Variants in SNAPC2 observed in about 807,000 individuals in gnomAD.
The protein encoded by SNAPC2 is snRNA-activating protein complex subunit 2.
A neutral mutation model predicts 22.9 loss-of-function variants in SNAPC2; 27 were observed. The ratio of observed to expected loss-of-function variants is 1.18; its 90% CI spans 0.87 to 1.63. The LOEUF is 1.63. Ranked by LOEUF, SNAPC2 falls within the 40% of genes most tolerant of loss-of-function variation. The pLI, the probability that SNAPC2 is intolerant of heterozygous loss-of-function variation, is 0.00. For synonymous variants in SNAPC2, 272 were observed against 201.0 expected (o/e 1.35, Z -2.99); for missense variants, 570 against 449.1 (o/e 1.27, Z -2.43).
rs1311991955 is a variant in SNAPC2 at position 7,922,068 on chromosome 19, C to T, written c.406C>T (p.Leu136Phe). Residue 136 changes from leucine to phenylalanine, a missense_variant, in exon 4 of 5, where the codon CTC becomes TTC. Leu to Phe is a conservative substitution (Grantham distance 22). Coordinates refer to ENST00000221573, the MANE Select transcript of SNAPC2 (RefSeq NM_003083.4). ...LTIAATEPVT[L>F]LHSKPPKPTQ... ...CATCGCGGCCACGGAACCGGTCACC[C>T]TCCTGCACTCCAAGCCCCCCAAGCC... 13 of 1,613,146 alleles carry T rather than the reference C, an allele frequency of 8.1e-6. No homozygotes were observed. The highest frequency in any genetic ancestry group is 1.1e-5 in the Non-Finnish European group (13 of 1,179,440).
intron 1 of SNAPC2, chr19:7,920,976 G>A (rs1333636171): frequency 3.6e-6 from 4 of 1,124,804 alleles, no homozygotes; most frequent in African/African-American, 1.7e-5. Context: ...TGGGCGGGAT[G>A]AGGGCAAGCT....
At position 7,920,428 on chromosome 19, in the gene SNAPC2, C is replaced by G; in HGVS notation, c.62C>G (p.Pro21Arg). Residue 21 changes from proline to arginine, a missense_variant, in exon 1 of 5, where the codon CCC becomes CGC. Pro to Arg is a moderately radical substitution (Grantham distance 103). Transcript: ENST00000221573. ...PARYLGEVTG[P>R]ATWSAREKRQ... ...CGCTATCTGGGCGAGGTGACCGGTC[C>G]CGCGACCTGGAGCGCTCGCGAGAAG... 6.3e-7 allele frequency: 1 copy of G among 1,576,580 alleles called. No individual in the cohort carries two copies. Among genetic ancestry groups the G allele is most frequent in the Non-Finnish European group, 8.5e-7 (1 of 1,169,796 alleles).
chr19:7,922,422 C>T (rs766560601), intron 4 of SNAPC2, 23 bp from the exon 5 acceptor site: 13 of 1,581,360 alleles, frequency 8.2e-6, no homozygotes, highest in African/African-American at 8.1e-5. Flanking sequence ...GTCCCCTTAC[C>T]CCTCTCCTCC....
rs144105634 is a variant in SNAPC2 at position 7,922,523 on chromosome 19, A to G, written c.764A>G (p.His255Arg). Residue 255 changes from histidine (H) to arginine (R), a missense_variant, in exon 5 of 5, where the codon CAT becomes CGT. His to Arg is a conservative substitution (Grantham distance 29). Transcript: ENST00000221573. ...CTGCCCTGCACAGCCCTGGTTGAGC[A>G]TATGACGGAGACGTACCTACGCCTG... ...PLLPCTALVE[H>R]MTETYLRLTA... 34 of 1,612,388 alleles carry G rather than the reference A, an allele frequency of 2.1e-5. No individual in the cohort carries two copies. The highest frequency in any genetic ancestry group is 2.8e-5 in the Non-Finnish European group (33 of 1,179,192).
chr19:7,921,926 C>T, intron 3 of SNAPC2, 109 bp from the exon 4 acceptor site: 1 of 1,406,158 alleles, frequency 7.1e-7, no homozygotes, highest in Non-Finnish European at 9.8e-7. Flanking sequence ...GGCTCTGAGG[C>T]CATCTCTTGT....
At chr19:7,921,000 G>A (rs1983547599) in intron 1 of SNAPC2, 5 of 1,130,994 alleles carry the variant, frequency 4.4e-6, no homozygotes, top group Non-Finnish European at 5.4e-6. Context: ...AAGGCGGGGC[G>A]AGCCTCGGGG....
At position 7,922,217 on chromosome 19, in the gene SNAPC2, C is replaced by T. The variant is rs150246284; in HGVS notation, c.555C>T (p.Ala185=). Residue 185 remains alanine (A), a synonymous_variant, in exon 4 of 5, where the codon GCC becomes GCT. Transcript: ENST00000221573. The part of the protein sequence containing the change: ...PSSAPRTPDP[A]PEKPSESSAG... ...CCGCACCCAGGACTCCTGACCCTGC[C>T]CCTGAGAAACCTTCTGAGTCGTCGG... 30 of 1,614,026 alleles carry T rather than the reference C, an allele frequency of 1.9e-5. No individual in the cohort carries two copies. Among genetic ancestry groups the T allele is most frequent in the Admixed American group, 3.3e-5 (2 of 60,002 alleles).
intron 1 of SNAPC2, chr19:7,921,079 C>T (rs1205312876): frequency 5.9e-6 from 7 of 1,183,488 alleles, no homozygotes; most frequent in Non-Finnish European, 7.4e-6. Flanking sequence ...CGAGTCCGGG[C>T]GAAAAGCAAC....
At chr19:7,921,250 C>T (rs1326498700) in intron 1 of SNAPC2, 173 bp from the exon 2 acceptor site, 8 of 1,410,718 alleles carry the variant, frequency 5.7e-6, no homozygotes, top group East Asian at 4.7e-5. Flanking sequence ...GGTAGCTGGT[C>T]ACGCTCTGGG....
chr19:7,920,533 G>A lies in SNAPC2; in HGVS notation c.167G>A (p.Gly56Asp), dbSNP rs984799063. 1 of 1,434,682 alleles carries A rather than the reference G, an allele frequency of 7.0e-7. No homozygotes were observed. The highest frequency in any genetic ancestry group is 9.1e-7 in the Non-Finnish European group (1 of 1,101,094). The allele number at this position is 1,434,682 out of a possible 1,614,324, so 88.9% of individuals were successfully genotyped here. A position where few individuals can be genotyped will look rare whatever the true frequency, so the allele number is the denominator to read the frequency against. ...ACCGAGCTGGCCCGGGAGCTGCGGG[G>A]CCGGAGCGAGGCTGAGGTGAGATGC... ...DATELARELR[G>D]RSEAEIRVFL... The change falls in exon 1 of 5, where the codon GGC becomes GAC. Residue 56 changes from glycine (G) to aspartate (D), a missense_variant. Coordinates refer to ENST00000221573, the MANE Select transcript of SNAPC2 (RefSeq NM_003083.4).
At chr19:7,921,086 C>T in intron 1 of SNAPC2, 1 of 1,199,316 alleles carries the variant, frequency 8.3e-7, no homozygotes, top group Non-Finnish European at 1.0e-6. Context: ...GGGCGAAAAG[C>T]AACGCATGCT....
rs2145160681 is a variant in SNAPC2 at position 7,920,494 on chromosome 19, C to G, written c.128C>G (p.Pro43Arg). The G allele has an allele frequency of 1.3e-6, 2 of 1,502,166 alleles. No individual in the cohort carries two copies. Among genetic ancestry groups the G allele is most frequent in the African/African-American group, 2.9e-5 (2 of 68,628 alleles). 93.1% of individuals were successfully genotyped at this position (1,502,166 alleles called of 1,614,324 possible). A position where few individuals can be genotyped will look rare whatever the true frequency, so the allele number is the denominator to read the frequency against. Reference protein sequence around the residue: ...VRLLQARQGQPEPDATELARE... With the variant: ...VRLLQARQGQREPDATELARE... ...CTCCTGCAGGCGCGGCAGGGCCAGCCGGAGCCGGACGCCACCGAGCTGGCC... is the reference window on the plus strand; with the variant it reads ...CTCCTGCAGGCGCGGCAGGGCCAGCGGGAGCCGGACGCCACCGAGCTGGCC... Residue 43 changes from proline (P) to arginine (R), a missense_variant, in exon 1 of 5, where the codon CCG becomes CGG. Physicochemically the swap from Pro to Arg is moderately radical, Grantham distance 103. Transcript: ENST00000221573.
intron 3 of SNAPC2, 71 bp from the exon 4 acceptor site, chr19:7,921,964 G>T: frequency 6.6e-7 from 1 of 1,509,834 alleles, no homozygotes. Flanking sequence ...GTGGCAGGGA[G>T]GATGGGGGAA....
rs1983640556 is a variant in SNAPC2 at position 7,922,909 on chromosome 19, C to G, written c.*145C>G. ...GCTGTGGGGCGGGCCTCTAAGATGC[C>G]CCATACTTTGGGGGTCTCAGAAATG... On this transcript the variant is annotated 3_prime_UTR_variant, in exon 5 of 5. Transcript: ENST00000221573. 3.0e-6 allele frequency: 2 copies of G among 660,240 alleles called. No homozygotes were observed. Among genetic ancestry groups the G allele is most frequent in the Admixed American group, 3.1e-5 (1 of 32,500 alleles). 40.9% of individuals were successfully genotyped at this position (660,240 alleles called of 1,614,324 possible).
chr19:7,923,111 C>T lies in SNAPC2; in HGVS notation c.*347C>T, dbSNP rs1004584633. The T allele has an allele frequency of 1.8e-5, 5 of 277,668 alleles. 1 individual carries two copies. In the Admixed American group the frequency reaches 2.1e-4, roughly 12 times the overall value. The allele number at this position is 277,668 out of a possible 1,614,324, so 17.2% of individuals were successfully genotyped here. Reference sequence around the variant, plus strand: ...CACCGTAAAGGCCCTCGCACATTTTCCCCCTTCCTGTACACCTCGGGGCCA... The same window carrying T: ...CACCGTAAAGGCCCTCGCACATTTTTCCCCTTCCTGTACACCTCGGGGCCA... On this transcript the variant is annotated 3_prime_UTR_variant, in exon 5 of 5. Transcript: ENST00000221573.
chr19:7,922,182 G>T lies in SNAPC2; in HGVS notation c.520G>T (p.Ala174Ser), dbSNP rs768417357. ...TGAAATACCTAGCTCTGCCCCTGCT[G>T]CACCTAGCTCCGCACCCAGGACTCC... ...APEIPSSAPAAPSSAPRTPDP... is the reference protein window; with the variant it reads ...APEIPSSAPASPSSAPRTPDP... Residue 174 changes from alanine (A) to serine (S), a missense_variant, in exon 4 of 5, where the codon GCA becomes TCA. By Grantham distance (99) the Ala-to-Ser change is moderately conservative. Coordinates refer to ENST00000221573, the MANE Select transcript of SNAPC2 (RefSeq NM_003083.4). The T allele has an allele frequency of 1.9e-6, 3 of 1,614,128 alleles. No individual in the cohort carries two copies. The South Asian group carries it at 3.3e-5, about 18-fold the overall frequency.
rs1340401623 is a variant in SNAPC2, at chr19:7,922,719, G to C, written c.960G>C (p.Leu320=). 3 of 1,606,274 alleles carry C rather than the reference G, an allele frequency of 1.9e-6. No individual in the cohort carries two copies. The highest frequency in any genetic ancestry group is 2.6e-6 in the Non-Finnish European group (3 of 1,174,582). The change falls in exon 5 of 5, where the codon CTG becomes CTC. Residue 320 remains leucine, a synonymous_variant. Transcript: ENST00000221573. ...GGATCTGTCCCCTGAACCCGTTCCT[G>C]GTGCCCCTGGAGCTTCTGGGTCGGG... The part of the protein sequence containing the change: ...AAGICPLNPF[L]VPLELLGRAA...
rs201779233 is a variant in SNAPC2 at position 7,922,093 on chromosome 19, C to T, written c.431C>T (p.Pro144Leu). ...VTLLHSKPPKPTQARGKPLLL... is the reference protein window; with the variant it reads ...VTLLHSKPPKLTQARGKPLLL... Reference sequence around the variant, plus strand: ...CTCCTGCACTCCAAGCCCCCCAAGCCCACGCAGGCCCGTGGAAAGCCTTTG... The same window carrying T: ...CTCCTGCACTCCAAGCCCCCCAAGCTCACGCAGGCCCGTGGAAAGCCTTTG... The change falls in exon 4 of 5, where the codon CCC becomes CTC. Residue 144 changes from proline (P) to leucine (L), a missense_variant. Transcript: ENST00000221573. 7 of 1,613,906 alleles carry T rather than the reference C, an allele frequency of 4.3e-6. No individual in the cohort carries two copies. The highest frequency in any genetic ancestry group is 5.9e-6 in the Non-Finnish European group (7 of 1,179,918).
In SNAPC2 at chr19:7,920,922, A is replaced by G. The variant is rs1983544132; in HGVS notation, c.183+373A>G. On this transcript the variant is annotated intron_variant, in intron 1 of 4. Coordinates refer to ENST00000221573, the MANE Select transcript of SNAPC2 (RefSeq NM_003083.4). ...GGGGCGTGGGCGGGTTAATAGCAAG[A>G]CTTAAGGGCGGGGCCGTTTTGGGAG... 8 of 1,001,614 alleles carry G rather than the reference A, an allele frequency of 8.0e-6. No individual in the cohort carries two copies. The South Asian group carries it at 2.3e-4, about 28-fold the overall frequency. 62.0% of individuals were successfully genotyped at this position (1,001,614 alleles called of 1,614,324 possible).
Sources: allele counts gnomAD v4.1 joint callset, GRCh38; gene constraint gnomAD v4.1.1; transcripts MANE v1.5; gene names NCBI Gene and HGNC (gene_info 2026-07-23, HGNC 2026-07-21).